Variants in RBFOX1 observed in about 807,000 individuals in gnomAD.
The protein encoded by RBFOX1 is RNA binding fox-1 homolog 1, also known as RNA binding protein fox-1 homolog 1.
RBFOX1 carries 8 observed loss-of-function variants against 57.7 expected under a neutral mutation model. The ratio of observed to expected loss-of-function variants is 0.14; its 90% CI spans 0.08 to 0.25. The LOEUF (loss-of-function observed/expected upper bound fraction) is 0.25, where lower values mean the gene tolerates loss of function less well. Ranked by LOEUF, RBFOX1 falls within the 10% of genes least tolerant of loss-of-function variation. The probability of loss-of-function intolerance (pLI) is 1.00; values close to 1 mark genes in which losing one functional copy is unlikely to be tolerated. For synonymous variants in RBFOX1, 326 were observed against 222.4 expected, an observed-to-expected ratio of 1.47 and a Z score of -4.15; for missense variants, 611 against 548.5, an observed-to-expected ratio of 1.11 and a Z score of -1.14.
intron 1 of RBFOX1, among the ~76,000 whole-genome samples, chr16:5,456,892 A>G (rs538403669): frequency 2.1e-4 from 32 of 152,278 alleles, no homozygotes; most frequent in African/African-American, 7.5e-4. Context: ...CAGCCATTTT[A>G]AACCTTTCTT....
intron 2 of RBFOX1, among the ~76,000 whole-genome samples, chr16:5,595,717 G>A (rs1191736012): frequency 2.0e-5 from 3 of 152,166 alleles, no homozygotes; most frequent in African/African-American, 7.2e-5. Flanking sequence ...TCTTGGCTCT[G>A]TTTCCCCAAC....
intron 3 of RBFOX1, among the ~76,000 whole-genome samples, chr16:5,665,933 C>T (rs2049829576): frequency 6.6e-6 from 1 of 152,196 alleles, no homozygotes; most frequent in Non-Finnish European, 1.5e-5. Flanking sequence ...GGCACGCCTG[C>T]GTTGGGAGAG....
intron 3 of RBFOX1, among the ~76,000 whole-genome samples, chr16:6,935,387 T>A (rs143236925): frequency 6.6e-6 from 1 of 152,170 alleles, no homozygotes; most frequent in African/African-American, 2.4e-5. Context: ...GCAGACACAA[T>A]ACCATGTGAC....
At chr16:5,274,867 A>C (rs1317378327) in intron 1 of RBFOX1, among the ~76,000 whole-genome samples, 1 of 152,152 alleles carries the variant, frequency 6.6e-6, no homozygotes, top group Non-Finnish European at 1.5e-5. Flanking sequence ...GTCAGGGTCT[A>C]GTAGGGGATC....
At chr16:5,859,364 C>T (rs2057152693) in intron 3 of RBFOX1, among the ~76,000 whole-genome samples, 1 of 152,170 alleles carries the variant, frequency 6.6e-6, no homozygotes, top group Non-Finnish European at 1.5e-5. Flanking sequence ...TCTCAATCTC[C>T]AACTCTAAGC....
chr16:7,135,465 A>G (rs980553166), intron 4 of RBFOX1, among the ~76,000 whole-genome samples: 1 of 152,338 alleles, frequency 6.6e-6, no homozygotes, highest in Non-Finnish European at 1.5e-5. Flanking sequence ...AGCTACAGCA[A>G]ATTAAAGGGA....
intron 4 of RBFOX1, among the ~76,000 whole-genome samples, chr16:7,097,130 C>T (rs535517251): frequency 3.9e-5 from 6 of 152,058 alleles, no homozygotes; most frequent in South Asian, 2.1e-4. Flanking sequence ...AATGCAACCG[C>T]GAGAGAGGTA....
intron 2 of RBFOX1, among the ~76,000 whole-genome samples, chr16:6,429,339 T>G (rs560320686): frequency 6.6e-6 from 1 of 152,240 alleles, no homozygotes; most frequent in African/African-American, 2.4e-5. Flanking sequence ...GCAGGGTTTC[T>G]TGTTGACCCT....
intron 11 of RBFOX1, among the ~76,000 whole-genome samples, chr16:7,649,149 T>C (rs569634291): frequency 6.6e-6 from 1 of 152,082 alleles, no homozygotes; most frequent in Admixed American, 6.6e-5. Flanking sequence ...CCATAGACAG[T>C]AGGATGTTCC....
chr16:7,455,616 A>C (rs1418039226), intron 4 of RBFOX1, among the ~76,000 whole-genome samples: 1 of 151,510 alleles, frequency 6.6e-6, no homozygotes, highest in Non-Finnish European at 1.5e-5. Flanking sequence ...ACGTGGTGAA[A>C]TCCCATCTCT....
intron 4 of RBFOX1, among the ~76,000 whole-genome samples, chr16:7,475,771 T>G (rs951148006): frequency 2.2e-4 from 34 of 152,186 alleles, no homozygotes; most frequent in African/African-American, 7.7e-4. Flanking sequence ...TTTGATTGTG[T>G]TAAAGTATTA....
Position 6,956,034 on chromosome 16 carries a change from A to G in RBFOX1, c.-15-96023A>G, listed in dbSNP as rs529179026. ...ATCACTTTTTGTAATGAGGGTGAGGACACATTTTTGATTAAGTGAGTTATC... is the reference window on the plus strand; with the variant it reads ...ATCACTTTTTGTAATGAGGGTGAGGGCACATTTTTGATTAAGTGAGTTATC... On this transcript the variant is annotated intron_variant, in intron 3 of 15. Transcript: ENST00000550418. Among the ~76,000 whole-genome samples the G allele has an allele frequency of 1.3e-3, 198 of 152,234 alleles. 4 individuals are homozygous for G. Among genetic ancestry groups the G allele is most frequent in the Admixed American group, 2.8e-3 (43 of 15,278 alleles).
At chr16:5,599,250 C>T in exon 3 of RBFOX1, 1 of 675,370 alleles carries the variant, frequency 1.5e-6, no homozygotes, top group Non-Finnish European at 2.7e-6. Context: ...TGGTTGGTGA[C>T]AAGGCTGCAA....
At chr16:6,485,760 C>G (rs763939730) in intron 2 of RBFOX1, among the ~76,000 whole-genome samples, 1 of 152,156 alleles carries the variant, frequency 6.6e-6, no homozygotes, top group Admixed American at 6.5e-5. Flanking sequence ...TACTTTCTGT[C>G]TCATGACTTT....
chr16:6,786,626 A>T (rs2082008406), intron 3 of RBFOX1, among the ~76,000 whole-genome samples: 2 of 152,160 alleles, frequency 1.3e-5, no homozygotes, highest in African/African-American at 4.8e-5. Context: ...GAAGGGGATG[A>T]GGAGAATGGA....
At chr16:5,422,542 GGGCA>G (rs2067370988) in intron 1 of RBFOX1, among the ~76,000 whole-genome samples, 1 of 85,300 alleles carries the variant, frequency 1.2e-5, no homozygotes, top group Non-Finnish European at 2.3e-5. Flanking sequence ...CGCATGAGGG[GGGCA>G]GGGAGGGGGA....
At chr16:6,492,305 C>T (rs1229978752) in intron 2 of RBFOX1, among the ~76,000 whole-genome samples, 8 of 152,106 alleles carry the variant, frequency 5.3e-5, no homozygotes, top group African/African-American at 1.7e-4. Flanking sequence ...GCACGATGGC[C>T]CACGCCTGTA....
rs142807276 is a variant in RBFOX1 at position 6,451,794 on chromosome 16, C to G, written c.-64+134737C>G. 1.1e-4 allele frequency among the ~76,000 whole-genome samples: 16 copies of G among 152,278 alleles called. No individual in the cohort carries two copies. The East Asian group carries it at 3.1e-3, about 30-fold the overall frequency. ...CCCTGTGCTGCTCTTCCTCCCGTGA[C>G]TCCATCCATGACTCCTTCCTCCCAT... On this transcript the variant is annotated intron_variant, in intron 2 of 15. Coordinates refer to ENST00000550418, the MANE Select transcript of RBFOX1 (RefSeq NM_018723.4).
chr16:6,806,012 A>G (rs768846911), intron 3 of RBFOX1, among the ~76,000 whole-genome samples: 1 of 152,214 alleles, frequency 6.6e-6, no homozygotes, highest in Non-Finnish European at 1.5e-5. Flanking sequence ...AACTGTGGGT[A>G]TTCATACTCA....
Sources: allele counts gnomAD v4.1 joint callset (sites outside exome capture counted in the v4.1 genomes callset), GRCh38; gene constraint gnomAD v4.1.1; transcripts MANE v1.5; gene names NCBI Gene and HGNC (gene_info 2026-07-23, HGNC 2026-07-21).